The following NFIA variants were observed in gnomAD, a reference collection of about 807,000 sequenced individuals.
NFIA encodes nuclear factor 1 A-type.
Under a neutral mutation model 62.8 loss-of-function variants are expected in NFIA, and 8 were observed. The ratio of observed to expected loss-of-function variants is 0.13; its 90% CI spans 0.07 to 0.23. The LOEUF (loss-of-function observed/expected upper bound fraction) is 0.23. Among genes scored for constraint, NFIA ranks in the 10% least tolerant of loss-of-function variants. NFIA has a pLI of 1.00. For missense variants in NFIA, 410 were observed against 642.1 expected, an observed-to-expected ratio of 0.64 and a Z score of 3.91; for synonymous variants, 235 against 238.1, an observed-to-expected ratio of 0.99 and a Z score of 0.12.
intron 2 of NFIA, among the ~76,000 whole-genome samples, chr1:61,256,990 A>G (rs1217914256): frequency 2.0e-5 from 3 of 152,220 alleles, no homozygotes; most frequent in Admixed American, 2.0e-4. Context: ...TTTAAGTGTT[A>G]TAATTAAAGG....
chr1:61,259,333 C>G lies in NFIA; in HGVS notation c.560-18187C>G, dbSNP rs951601743. Among the ~76,000 whole-genome samples, 7 of 152,170 alleles carry G rather than the reference C, an allele frequency of 4.6e-5. 1 individual carries two copies. The highest frequency in any genetic ancestry group is 4.6e-4 in the Admixed American group (7 of 15,276). On this transcript the variant is annotated intron_variant, in intron 2 of 10. Coordinates refer to ENST00000403491, the MANE Select transcript of NFIA (RefSeq NM_001134673.4). ...ATCTCTGAGATAGATTTCTACTCTTCCTTTAAAATCTTGCCCGGACTGGCC... is the reference window on the plus strand; with the variant it reads ...ATCTCTGAGATAGATTTCTACTCTTGCTTTAAAATCTTGCCCGGACTGGCC...
chr1:61,110,065 G>T (rs1646669383), intron 2 of NFIA, among the ~76,000 whole-genome samples: 2 of 151,594 alleles, frequency 1.3e-5, no homozygotes, highest in African/African-American at 4.8e-5. Flanking sequence ...GAGATAAGGG[G>T]GGCAGAGAGG....
intron 3 of NFIA, among the ~76,000 whole-genome samples, chr1:61,323,992 C>G (rs544651879): frequency 8.1e-4 from 123 of 152,242 alleles, no homozygotes; most frequent in African/African-American, 2.6e-3. Flanking sequence ...GTAAGACAAG[C>G]AGAGAAGTTC....
chr1:61,321,048 T>TA (rs1486692668), intron 3 of NFIA, among the ~76,000 whole-genome samples: 1 of 152,184 alleles, frequency 6.6e-6, no homozygotes, highest in South Asian at 2.1e-4. Context: ...GTTTGCTTTT[T>TA]AAAAAACCTC....
At chr1:61,364,746 A>T (rs558191487) in intron 6 of NFIA, among the ~76,000 whole-genome samples, 2 of 152,332 alleles carry the variant, frequency 1.3e-5, no homozygotes, top group South Asian at 4.1e-4. Context: ...CCTTTGTAGA[A>T]CATTTTATGT....
intron 3 of NFIA, among the ~76,000 whole-genome samples, chr1:61,316,486 T>G (rs1406001188): frequency 6.6e-6 from 1 of 152,050 alleles, no homozygotes; most frequent in Non-Finnish European, 1.5e-5. Context: ...GCATTTTTGG[T>G]GCTCACAAGG....
At chr1:61,229,424 T>C (rs1363302198) in intron 2 of NFIA, among the ~76,000 whole-genome samples, 1 of 152,190 alleles carries the variant, frequency 6.6e-6, no homozygotes, top group East Asian at 1.9e-4. Flanking sequence ...CTCATGTACA[T>C]AGGCCTCCAA....
At chr1:61,405,737 G>A (rs1009905231) in intron 8 of NFIA, among the ~76,000 whole-genome samples, 5 of 152,130 alleles carry the variant, frequency 3.3e-5, no homozygotes, top group African/African-American at 1.2e-4. Context: ...TAGGACTTAA[G>A]GCAGGTCTCT....
intron 2 of NFIA, among the ~76,000 whole-genome samples, chr1:61,156,951 C>CA (rs1405511678): frequency 2.6e-5 from 4 of 152,070 alleles, no homozygotes; most frequent in South Asian, 2.1e-4. Context: ...TACACTGAGG[C>CA]AAAAAAATTA....
intron 6 of NFIA, among the ~76,000 whole-genome samples, chr1:61,364,027 A>G (rs1248339837): frequency 1.3e-5 from 2 of 150,556 alleles, no homozygotes; most frequent in Admixed American, 6.6e-5. Flanking sequence ...GCTCACTGCA[A>G]CCTCCACCTC....
At chr1:61,128,905 G>A (rs907380501) in intron 2 of NFIA, among the ~76,000 whole-genome samples, 5 of 132,848 alleles carry the variant, frequency 3.8e-5, no homozygotes, top group African/African-American at 1.4e-4. Context: ...CAATGGTGAT[G>A]CTTACTTATG....
At chr1:61,127,752 T>TA (rs35787193) in intron 2 of NFIA, among the ~76,000 whole-genome samples, 36 of 151,450 alleles carry the variant, frequency 2.4e-4, no homozygotes, top group African/African-American at 4.1e-4. Flanking sequence ...ACAGGCCTTT[T>TA]AAAAAAAAAG....
chr1:61,362,454 G>A (rs748305853), intron 6 of NFIA, among the ~76,000 whole-genome samples: 3 of 152,132 alleles, frequency 2.0e-5, no homozygotes, highest in Admixed American at 6.6e-5. Context: ...TTTGGTTTCC[G>A]TTTACCTGCC....
intron 2 of NFIA, among the ~76,000 whole-genome samples, chr1:61,141,035 A>T (rs1341273754): frequency 7.6e-6 from 1 of 132,248 alleles, no homozygotes; most frequent in Non-Finnish European, 1.5e-5. Context: ...AACAGAATGG[A>T]GACTCGATGC....
chr1:61,303,990 A>T (rs1017401224), intron 3 of NFIA, among the ~76,000 whole-genome samples: 21 of 152,122 alleles, frequency 1.4e-4, no homozygotes, highest in African/African-American at 4.8e-4. Context: ...TCAGGGTGAC[A>T]TTGGCCGGGC....
chr1:61,378,486 G>A lies in NFIA; in HGVS notation c.947-4751G>A, dbSNP rs534492094. On this transcript the variant is annotated intron_variant, in intron 6 of 10. Coordinates refer to ENST00000403491, the MANE Select transcript of NFIA (RefSeq NM_001134673.4). Reference sequence around the variant, plus strand: ...TTCAGAATTATAGAGAGTAATTATTGTACAGTAAACATCTTTAATACACAC... The same window carrying A: ...TTCAGAATTATAGAGAGTAATTATTATACAGTAAACATCTTTAATACACAC... Among the ~76,000 whole-genome samples, 42 of 152,228 alleles carry A rather than the reference G, an allele frequency of 2.8e-4. No homozygotes were observed. In the South Asian group the frequency reaches 8.3e-3, roughly 30 times the overall value.
At chr1:61,139,238 T>C (rs1339212657) in intron 2 of NFIA, among the ~76,000 whole-genome samples, 5 of 152,092 alleles carry the variant, frequency 3.3e-5, no homozygotes, top group Non-Finnish European at 1.5e-5. Context: ...CAGAAATAAT[T>C]CTTAACACAT....
At chr1:61,115,906 TA>T (rs1378909902) in intron 2 of NFIA, among the ~76,000 whole-genome samples, 1 of 152,164 alleles carries the variant, frequency 6.6e-6, no homozygotes, top group Non-Finnish European at 1.5e-5. Flanking sequence ...TTTGAAACTC[TA>T]AAAAGGTGGT....
intron 2 of NFIA, among the ~76,000 whole-genome samples, chr1:61,103,705 T>C (rs952323127): frequency 6.6e-6 from 1 of 152,162 alleles, no homozygotes; most frequent in Non-Finnish European, 1.5e-5. Context: ...TAAAACTAGG[T>C]AACATATAAA....
Sources: allele counts gnomAD v4.1 joint callset (sites outside exome capture counted in the v4.1 genomes callset), GRCh38; gene constraint gnomAD v4.1.1; transcripts MANE v1.5; gene names NCBI Gene and HGNC (gene_info 2026-07-23, HGNC 2026-07-21).